Variants in ASIC2 observed in about 807,000 individuals in gnomAD.
The protein encoded by ASIC2 is acid sensing ion channel subunit 2.
Under a neutral mutation model 57.3 loss-of-function variants are expected in ASIC2, and 25 were observed. The ratio of observed to expected loss-of-function variants is 0.44; its 90% confidence interval spans 0.32 to 0.61. The LOEUF (loss-of-function observed/expected upper bound fraction) is 0.61, where lower values mean the gene tolerates loss of function less well. ASIC2 is among the 20% of genes least tolerant of loss of function. ASIC2 has a pLI of 0.06. For synonymous variants in ASIC2, 319 were observed against 307.5 expected, an observed-to-expected ratio of 1.04 and a Z score of -0.39; for missense variants, 641 against 738.1, an observed-to-expected ratio of 0.87 and a Z score of 1.52.
At chr17:33,429,114 T>C (rs2141977012) in intron 1 of ASIC2, among the ~76,000 whole-genome samples, 1 of 152,256 alleles carries the variant, frequency 6.6e-6, no homozygotes, top group Non-Finnish European at 1.5e-5. Context: ...CTCCTGGAAC[T>C]CTCTTGTGAA....
intron 1 of ASIC2, among the ~76,000 whole-genome samples, chr17:34,116,217 T>G (rs1004518044): frequency 1.7e-4 from 26 of 152,312 alleles, no homozygotes; most frequent in African/African-American, 6.3e-4. Context: ...TTGACCTGAG[T>G]TTGAATCCTT....
intron 1 of ASIC2, among the ~76,000 whole-genome samples, chr17:33,928,427 G>A (rs1048521898): frequency 6.6e-6 from 1 of 152,154 alleles, no homozygotes; most frequent in Admixed American, 6.5e-5. Context: ...GAGAATCACT[G>A]CTCTAAGGTG....
intron 1 of ASIC2, among the ~76,000 whole-genome samples, chr17:33,156,529 G>T (rs1052091507): frequency 6.6e-6 from 1 of 152,030 alleles, no homozygotes; most frequent in South Asian, 2.1e-4. Context: ...AGGCTGAAGT[G>T]GGTGGATCAC....
At chr17:34,063,787 TAAATA>T (rs1909058009) in intron 1 of ASIC2, among the ~76,000 whole-genome samples, 1 of 151,404 alleles carries the variant, frequency 6.6e-6, no homozygotes, top group South Asian at 2.1e-4. Context: ...AAAAAATAAA[TAAATA>T]AAAGACTTAG....
At chr17:33,445,862 C>T (rs1247844207) in intron 1 of ASIC2, among the ~76,000 whole-genome samples, 1 of 149,578 alleles carries the variant, frequency 6.7e-6, no homozygotes, top group Non-Finnish European at 1.5e-5. Flanking sequence ...GTGGTTCAAA[C>T]AAAACTACTG....
intron 1 of ASIC2, among the ~76,000 whole-genome samples, chr17:33,869,729 G>A (rs1037876344): frequency 2.0e-5 from 3 of 152,206 alleles, no homozygotes; most frequent in African/African-American, 7.2e-5. Flanking sequence ...GTTGCCTATG[G>A]CTAAGAGTGA....
rs1006005038 is a variant in ASIC2, at chr17:33,399,640, A to G, written c.556-287573T>C. Among the ~76,000 whole-genome samples the G allele has an allele frequency of 1.4e-4, 21 of 152,188 alleles. No individual in the cohort carries two copies. In the East Asian group the frequency reaches 2.7e-3, roughly 20 times the overall value. On this transcript the variant is annotated intron_variant, in intron 1 of 9. Coordinates refer to the ASIC2 transcript ENST00000359872. ...TCACTATGAATCAGCTTCTGCTTTC[A>G]GTGTGGTCACAGTTTTGTGATGCCC...
intron 5 of ASIC2, 148 bp from the exon 6 acceptor site, chr17:33,024,162 G>T: frequency 9.8e-7 from 1 of 1,017,614 alleles, no homozygotes; most frequent in Non-Finnish European, 1.4e-6. Flanking sequence ...TGGAGAGAGG[G>T]GAACTGGGCT....
intron 2 of ASIC2, among the ~76,000 whole-genome samples, chr17:33,094,201 G>C (rs2092168755): frequency 6.6e-6 from 1 of 152,184 alleles, no homozygotes; most frequent in Non-Finnish European, 1.5e-5. Context: ...TTAATGGTGG[G>C]CCAGGTAGGA....
At chr17:34,057,298 C>G (rs1274145420) in intron 1 of ASIC2, among the ~76,000 whole-genome samples, 1 of 152,130 alleles carries the variant, frequency 6.6e-6, no homozygotes, top group Non-Finnish European at 1.5e-5. Flanking sequence ...TCTTGAAAAA[C>G]TATTAAATTA....
chr17:33,141,078 C>T (rs564301574), intron 1 of ASIC2, among the ~76,000 whole-genome samples: 4 of 152,312 alleles, frequency 2.6e-5, no homozygotes, highest in Non-Finnish European at 4.4e-5. Context: ...CCTCATTGGA[C>T]TAGGGGCTTT....
chr17:33,169,456 G>A (rs974458560), intron 1 of ASIC2, among the ~76,000 whole-genome samples: 11 of 152,184 alleles, frequency 7.2e-5, no homozygotes, highest in South Asian at 4.1e-4. Context: ...TAAACCACTC[G>A]GCTCAGTGCC....
intron 1 of ASIC2, among the ~76,000 whole-genome samples, chr17:33,629,603 A>G (rs1468222204): frequency 6.6e-6 from 1 of 152,184 alleles, no homozygotes; most frequent in Non-Finnish European, 1.5e-5. Flanking sequence ...GGAGGAAGGT[A>G]GACAATATTT....
intron 1 of ASIC2, among the ~76,000 whole-genome samples, chr17:33,207,051 A>G (rs1212545428): frequency 1.3e-5 from 2 of 152,138 alleles, no homozygotes; most frequent in African/African-American, 2.4e-5. Context: ...CCATTTCACA[A>G]TGACAATGGA....
intron 2 of ASIC2, chr17:33,099,993 T>C (rs2092205017): frequency 6.6e-6 from 1 of 152,238 alleles, no homozygotes; most frequent in Non-Finnish European, 1.5e-5. Flanking sequence ...AGAAATATTT[T>C]GATGTTAAGA....
intron 1 of ASIC2, among the ~76,000 whole-genome samples, chr17:33,174,418 C>CA (rs545016244): frequency 0.079 from 9,592 of 121,994 alleles, 447 homozygotes; most frequent in African/African-American, 0.14. Context: ...AAGACTCCAT[C>CA]AAAAAAAAAA....
chr17:33,023,288 C>G (rs150774001), intron 6 of ASIC2, among the ~76,000 whole-genome samples: 1 of 152,040 alleles, frequency 6.6e-6, no homozygotes, highest in Admixed American at 6.5e-5. Context: ...GAGATCGAGA[C>G]CATTCTGGCT....
chr17:33,301,938 G>A (rs1206777909), intron 1 of ASIC2, among the ~76,000 whole-genome samples: 2 of 152,210 alleles, frequency 1.3e-5, no homozygotes, highest in East Asian at 3.8e-4. Flanking sequence ...GGCAACAGCA[G>A]CACAGCTTCT....
chr17:33,938,858 A>G (rs145603267), intron 1 of ASIC2, among the ~76,000 whole-genome samples: 2 of 152,302 alleles, frequency 1.3e-5, no homozygotes, highest in African/African-American at 2.4e-5. Flanking sequence ...TTTACCCACT[A>G]TGCCAGGTGG....
Sources: allele counts gnomAD v4.1 joint callset (sites outside exome capture counted in the v4.1 genomes callset), GRCh38; gene constraint gnomAD v4.1.1; transcripts MANE v1.5; gene names NCBI Gene and HGNC (gene_info 2026-07-23, HGNC 2026-07-21).